NOS3: variants seen among roughly 807,000 people sequenced by gnomAD.
NOS3 encodes nitric oxide synthase 3.
Under a neutral mutation model 144.9 loss-of-function variants are expected in NOS3, and 98 were observed. That is an observed-to-expected ratio of 0.68 (90% CI 0.57 to 0.80). The LOEUF (loss-of-function observed/expected upper bound fraction) is 0.80, where lower values mean the gene tolerates loss of function less well. NOS3 is among the 30% of genes least tolerant of loss of function. The probability of loss-of-function intolerance (pLI) is 0.00; values close to 1 mark genes in which losing one functional copy is unlikely to be tolerated. For missense variants in NOS3, 1,465 were observed against 1,656.4 expected (o/e 0.88, Z 2.01); for synonymous variants, 714 against 702.4 (o/e 1.02, Z -0.26).
At chr7:150,996,676 C>T in intron 4 of NOS3, 87 bp from the exon 5 acceptor site, 1 of 1,509,424 alleles carries the variant, frequency 6.6e-7, no homozygotes. Flanking sequence ...TCCCGCCCTC[C>T]CCCAGCACTT....
In NOS3 at chr7:150,996,751, T is replaced by C. The variant is rs1345988099; in HGVS notation, c.420-12T>C. 30 of 1,608,182 alleles carry C rather than the reference T, an allele frequency of 1.9e-5. No individual in the cohort carries two copies. Among genetic ancestry groups the C allele is most frequent in the East Asian group, 6.7e-5 (3 of 44,668 alleles). On this transcript the variant is annotated splice_polypyrimidine_tract_variant and intron_variant, in intron 4 of 26. Transcript: ENST00000297494. ...TTCCTGCTTGTCCCCTTCCCACCCC[T>C]CTCCTCCCCAGGAGCGGCTCCCAGG...
intron 17 of NOS3, among the ~76,000 whole-genome samples, chr7:151,007,566 A>C (rs901215885): frequency 2.0e-5 from 3 of 152,194 alleles, no homozygotes; most frequent in Admixed American, 6.5e-5. Context: ...AAGTGGGCGC[A>C]CAAAGGGAGG....
rs1345219195 is a variant in NOS3, at chr7:150,998,333, C to G, written c.583-24C>G. The G allele has an allele frequency of 6.2e-6, 10 of 1,605,624 alleles. No homozygotes were observed. The highest frequency in any genetic ancestry group is 7.7e-6 in the Non-Finnish European group (9 of 1,176,390). On this transcript the variant is annotated intron_variant, in intron 5 of 26. Transcript: ENST00000297494. The surrounding 1 kb of genome is among the most constrained non-coding windows in gnomAD (Gnocchi z 5.0). Reference sequence around the variant, plus strand: ...CCCCCGTCTCTCTCCTCACCCTCCTCTCCCGCTGCCTCGGCTGGCTCAGGT... The same window carrying G: ...CCCCCGTCTCTCTCCTCACCCTCCTGTCCCGCTGCCTCGGCTGGCTCAGGT...
Position 151,009,476 on chromosome 7 carries a change from C to T in NOS3, c.2403C>T (p.Val801=). 1 of 1,548,864 alleles carries T rather than the reference C, an allele frequency of 6.5e-7. No homozygotes were observed. Among genetic ancestry groups the T allele is most frequent in the Non-Finnish European group, 8.7e-7 (1 of 1,146,786 alleles). Residue 801 remains valine (V), a synonymous_variant, in exon 20 of 27, where the codon GTC becomes GTT. Transcript: ENST00000297494. ...ACCAGCCGGGGGACCACATAGGTGT[C>T]TGCCCGCCCAACCGGCCCGGCCTTG... The part of the protein sequence containing the change: ...LQYQPGDHIG[V]CPPNRPGLVE...
chr7:151,002,153 G>T lies in NOS3; in HGVS notation c.1648-47G>T. 1 of 1,431,274 alleles carries T rather than the reference G, an allele frequency of 7.0e-7. No homozygotes were observed. Among genetic ancestry groups the T allele is most frequent in the East Asian group, 2.4e-5 (1 of 41,806 alleles). The allele number at this position is 1,431,274 out of a possible 1,614,324, so 88.7% of individuals were successfully genotyped here. On this transcript the variant is annotated intron_variant, in intron 13 of 26. Transcript: ENST00000297494. The surrounding 1 kb of genome is among the most constrained non-coding windows in gnomAD (Gnocchi z 4.1). The stretch of plus-strand genomic sequence containing the variant: ...GGGAGGCCAGAGTGAGGAGGGCAGG[G>T]CCTCCGGGGGCCACAGCACCCAGGA...
In NOS3 at chr7:151,002,383, AACACAC is replaced by A. The variant is rs3138808; in HGVS notation, c.1752+144_1752+149del. 0.019 allele frequency: 5,047 copies of A among 270,716 alleles called. 188 individuals carry two copies. Among genetic ancestry groups the A allele is most frequent in the African/African-American group, 0.029 (715 of 24,468 alleles). The allele number at this position is 270,716 out of a possible 1,614,324, so 16.8% of individuals were successfully genotyped here. On this transcript the variant is annotated intron_variant, in intron 14 of 26. Coordinates refer to ENST00000297494, the MANE Select transcript of NOS3 (RefSeq NM_000603.5). The surrounding 1 kb of genome is among the most constrained non-coding windows in gnomAD (Gnocchi z 4.1). ...AGTGACTGGGCAGGAACCTCTGCCC[AACACAC>A]ACACACACACACACACACACACACA...
rs1187773529 is a variant in NOS3, at chr7:151,002,446, ACACACACG to A, written c.1752+144_1752+151del. ...CACACACACACACACACACACACAC[ACACACACG>A]CCAGGATGGAAAGGGAGATGCTAAG... is the stretch of plus-strand genomic sequence containing the variant. On this transcript the variant is annotated intron_variant, in intron 14 of 26. Transcript: ENST00000297494. This position sits in a 1 kb window ranked among gnomAD's most constrained non-coding sequence, Gnocchi z 4.1. 45 of 455,662 alleles carry A rather than the reference ACACACACG, an allele frequency of 9.9e-5. 1 individual carries two copies. The highest frequency in any genetic ancestry group is 8.1e-4 in the African/African-American group (37 of 45,790). 28.2% of individuals were successfully genotyped at this position (455,662 alleles called of 1,614,324 possible). A position where few individuals can be genotyped will look rare whatever the true frequency, so the allele number is the denominator to read the frequency against.
At position 151,010,129 on chromosome 7, in the gene NOS3, G is replaced by A. The variant is rs753566332; in HGVS notation, c.2527G>A (p.Gly843Ser). The A allele has an allele frequency of 1.7e-5, 27 of 1,603,242 alleles. No homozygotes were observed. The highest frequency in any genetic ancestry group is 2.2e-5 in the East Asian group (1 of 44,852). Residue 843 changes from glycine to serine, a missense_variant, in exon 21 of 27, where the codon GGC becomes AGC. Gly to Ser is a moderately conservative substitution (Grantham distance 56). This residue lies in a region of NOS3 where 745 missense variants were observed against 853.9 expected (regional missense o/e 0.87). Transcript: ENST00000297494. Reference protein sequence around the residue: ...EKGSPGGPPPGWVRDPRLPPC... With the variant: ...EKGSPGGPPPSWVRDPRLPPC... Reference sequence around the variant, plus strand: ...ACTATCCCCAGGTGGCCCTCCCCCCGGCTGGGTGCGGGACCCCCGGCTGCC... The same window carrying A: ...ACTATCCCCAGGTGGCCCTCCCCCCAGCTGGGTGCGGGACCCCCGGCTGCC...
Position 151,001,959 on chromosome 7 carries a change from T to G in NOS3, c.1641T>G (p.Asp547Glu). The G allele has an allele frequency of 3.1e-6, 5 of 1,613,240 alleles. No homozygotes were observed. Among genetic ancestry groups the G allele is most frequent in the Non-Finnish European group, 4.2e-6 (5 of 1,179,960 alleles). Residue 547 changes from aspartate (D) to glutamate (E), a missense_variant, in exon 13 of 27, where the codon GAT becomes GAG. Asp to Glu is a conservative substitution (Grantham distance 45). This residue lies in a region of NOS3 where 745 missense variants were observed against 853.9 expected (regional missense o/e 0.87). Transcript: ENST00000297494. ...QLGRLFRKAF[D>E]PRVLCMDEYD... ...GGAGACTCTTCCGGAAGGCTTTTGA[T>G]CCCCGGGTAGGGCTGAGCCCAGGGG...
At position 151,007,750 on chromosome 7, in the gene NOS3, G is replaced by T. The variant is rs3828997; in HGVS notation, c.2112+474G>T. ...GTGCCTGCACCGCAGAACTGGTCCC[G>T]GGCCGGGCAAGCAAGCACAGGGAGA... On this transcript the variant is annotated intron_variant, in intron 17 of 26. Coordinates refer to ENST00000297494, the MANE Select transcript of NOS3 (RefSeq NM_000603.5). 1.1e-4 allele frequency among the ~76,000 whole-genome samples: 17 copies of T among 152,354 alleles called. No homozygotes were observed. The East Asian group carries it at 3.1e-3, about 28-fold the overall frequency.
rs141089940 is a variant in NOS3, at chr7:151,001,264, G to A, written c.1267G>A (p.Ala423Thr). The A allele has an allele frequency of 1.2e-3, 1,857 of 1,613,630 alleles. 1 individual carries two copies. The highest frequency in any genetic ancestry group is 1.4e-3 in the Non-Finnish European group (1,704 of 1,179,950). The part of the protein sequence containing the change: ...AKVTIVDHHA[A>T]TASFMKHLEN... ...AGTCACCATCGTGGACCACCACGCC[G>A]CCACGGCCTCTTTCATGAAGCACCT... is the stretch of plus-strand genomic sequence containing the variant. The change falls in exon 11 of 27, where the codon GCC (alanine) becomes ACC (threonine). Residue 423 changes from alanine to threonine, a missense_variant. Around this residue, in one of 5 missense-constraint regions of NOS3, gnomAD observed 745 missense variants for 853.9 expected, o/e 0.87. Transcript: ENST00000297494.
intron 9 of NOS3, among the ~76,000 whole-genome samples, chr7:150,999,696 G>T (rs973479160): frequency 4.0e-5 from 6 of 150,110 alleles, no homozygotes; most frequent in Admixed American, 3.3e-4. Context: ...GTAGGTGGGT[G>T]TGGGTTTGTG....
rs1795126394 is a variant in NOS3, at chr7:151,002,365, G to A, written c.1752+61G>A. The stretch of plus-strand genomic sequence containing the variant: ...GGAGAGACTCAGAATTGGAGTGACT[G>A]GGCAGGAACCTCTGCCCAACACACA... On this transcript the variant is annotated intron_variant, in intron 14 of 26. Coordinates refer to ENST00000297494, the MANE Select transcript of NOS3 (RefSeq NM_000603.5). This position sits in a 1 kb window ranked among gnomAD's most constrained non-coding sequence, Gnocchi z 4.1. 1 of 740,412 alleles carries A rather than the reference G, an allele frequency of 1.4e-6. No homozygotes were observed. Among genetic ancestry groups the A allele is most frequent in the African/African-American group, 1.8e-5 (1 of 56,164 alleles). 45.9% of individuals were successfully genotyped at this position (740,412 alleles called of 1,614,324 possible).
chr7:151,013,779 T>C lies in NOS3; in HGVS notation c.3311T>C (p.Leu1104Pro). ...TELAAEVHRV[L>P]CLERGHMFVC... ...CTGGCTGCGGAGGTGCACCGCGTGC[T>C]GTGCCTCGAGCGGGGCCACATGTTT... Residue 1104 changes from leucine to proline, a missense_variant, in exon 26 of 27, where the codon CTG becomes CCG. Physicochemically the swap from Leu to Pro is moderately conservative, Grantham distance 98. Coordinates refer to ENST00000297494, the MANE Select transcript of NOS3 (RefSeq NM_000603.5). The C allele has an allele frequency of 6.2e-7, 1 of 1,611,694 alleles. No homozygotes were observed. Among genetic ancestry groups the C allele is most frequent in the Non-Finnish European group, 8.5e-7 (1 of 1,179,420 alleles).
chr7:151,011,849 C>A, intron 23 of NOS3: 1 of 444,952 alleles, frequency 2.2e-6, no homozygotes, highest in East Asian at 7.6e-5. Flanking sequence ...TTAAGAGACC[C>A]TTCCTTCATG....
At chr7:151,008,664 A>G (rs1187031271) in intron 17 of NOS3, among the ~76,000 whole-genome samples, 2 of 152,204 alleles carry the variant, frequency 1.3e-5, no homozygotes, top group Non-Finnish European at 2.9e-5. Flanking sequence ...GCCAAGCACT[A>G]TGCTTCTCGG....
chr7:151,008,953 G>T lies in NOS3; in HGVS notation c.2136G>T (p.Val712=). 1 of 1,610,448 alleles carries T rather than the reference G, an allele frequency of 6.2e-7. No homozygotes were observed. Among genetic ancestry groups the T allele is most frequent in the Non-Finnish European group, 8.5e-7 (1 of 1,179,070 alleles). ...AFQAACETFC[V]GEDAKAAARD... ...AGGCCGCCTGTGAGACCTTCTGTGT[G>T]GGAGAGGATGCCAAGGCCGCCGCCC... Residue 712 remains valine (V), a synonymous_variant, in exon 18 of 27, where the codon GTG becomes GTT. Coordinates refer to ENST00000297494, the MANE Select transcript of NOS3 (RefSeq NM_000603.5).
intron 17 of NOS3, 149 bp downstream of exon 17, chr7:151,007,425 G>A: frequency 1.0e-6 from 1 of 958,122 alleles, no homozygotes; most frequent in Non-Finnish European, 1.5e-6. Context: ...CAGCTCTTCT[G>A]GGTCAGGGGC....
rs3138808 is a variant in NOS3, at chr7:151,002,383, AACACACACACACACAC to A, written c.1752+134_1752+149del. 0.012 allele frequency: 3,194 copies of A among 270,796 alleles called. 57 individuals are homozygous for A. Among genetic ancestry groups the A allele is most frequent in the East Asian group, 0.04 (394 of 9,792 alleles). 16.8% of individuals were successfully genotyped at this position (270,796 alleles called of 1,614,324 possible). ...AGTGACTGGGCAGGAACCTCTGCCC[AACACACACACACACAC>A]ACACACACACACACACACACACACA... On this transcript the variant is annotated intron_variant, in intron 14 of 26. Coordinates refer to ENST00000297494, the MANE Select transcript of NOS3 (RefSeq NM_000603.5). This position sits in a 1 kb window ranked among gnomAD's most constrained non-coding sequence, Gnocchi z 4.1.
Sources: allele counts gnomAD v4.1 joint callset (sites outside exome capture counted in the v4.1 genomes callset), GRCh38; gene constraint gnomAD v4.1.1; regional missense constraint gnomAD v4.1.1; non-coding constraint Gnocchi (gnomAD v3.1); transcripts MANE v1.5; gene names NCBI Gene and HGNC (gene_info 2026-07-23, HGNC 2026-07-21).